Variants in ABTB3 observed in about 807,000 individuals in gnomAD.
ABTB3 encodes ankyrin repeat and BTB domain containing 3.
the ABTB3 span, among the ~76,000 whole-genome samples, chr12:107,371,683 A>G: frequency 6.6e-6 from 1 of 152,200 alleles, no homozygotes; most frequent in Non-Finnish European, 1.5e-5. Flanking sequence ...CTAATAGTGC[A>G]GTATACTTGC....
At chr12:107,519,717 T>G in the ABTB3 span, among the ~76,000 whole-genome samples, 1 of 152,192 alleles carries the variant, frequency 6.6e-6, no homozygotes, top group Non-Finnish European at 1.5e-5. Context: ...TTTGTTAACA[T>G]AGCTTTGAAC....
the ABTB3 span, among the ~76,000 whole-genome samples, chr12:107,400,410 C>G: frequency 1.3e-5 from 2 of 152,102 alleles, no homozygotes; most frequent in African/African-American, 4.8e-5. Flanking sequence ...TTCACAAGTA[C>G]TCAGGTAACC....
the ABTB3 span, among the ~76,000 whole-genome samples, chr12:107,484,026 A>C: frequency 2.0e-5 from 3 of 152,214 alleles, no homozygotes; most frequent in South Asian, 4.2e-4. Flanking sequence ...CAATCCACGA[A>C]TCAGATGTGC....
the ABTB3 span, among the ~76,000 whole-genome samples, chr12:107,524,397 T>C: frequency 1.2e-4 from 19 of 152,182 alleles, no homozygotes; most frequent in African/African-American, 4.6e-4. Context: ...TATTCAAAGG[T>C]TGCTCAGCCA....
At chr12:107,467,971 C>A in the ABTB3 span, among the ~76,000 whole-genome samples, 2 of 152,108 alleles carry the variant, frequency 1.3e-5, no homozygotes, top group African/African-American at 4.8e-5. Context: ...CCCCCCTCTC[C>A]CCATGTGCAG....
At chr12:107,581,366 C>T in the ABTB3 span, 8 of 1,242,946 alleles carry the variant, frequency 6.4e-6, no homozygotes, top group Admixed American at 4.4e-5. Flanking sequence ...GCAGCCTCCA[C>T]CCCTCCAATC....
the ABTB3 span, among the ~76,000 whole-genome samples, chr12:107,336,193 A>T: frequency 9.9e-5 from 15 of 152,228 alleles, no homozygotes; most frequent in African/African-American, 3.6e-4. Flanking sequence ...GTCATTTGTC[A>T]AACTTGGCAC....
the ABTB3 span, among the ~76,000 whole-genome samples, chr12:107,421,395 G>A: frequency 6.6e-6 from 1 of 152,192 alleles, no homozygotes; most frequent in Non-Finnish European, 1.5e-5. Flanking sequence ...GGGATGGCAA[G>A]TACTGACCAG....
chr12:107,404,375 A>G, the ABTB3 span, among the ~76,000 whole-genome samples: 1 of 152,172 alleles, frequency 6.6e-6, no homozygotes, highest in Non-Finnish European at 1.5e-5. Flanking sequence ...GAGCAAGGGG[A>G]GAGGGTCCAG....
At chr12:107,651,135 C>T in the ABTB3 span, among the ~76,000 whole-genome samples, 1 of 151,956 alleles carries the variant, frequency 6.6e-6, no homozygotes, top group Non-Finnish European at 1.5e-5. Flanking sequence ...GTGCTCAGGG[C>T]CAGGTTACAG....
chr12:107,631,297 CT>C, the ABTB3 span, among the ~76,000 whole-genome samples: 1 of 152,212 alleles, frequency 6.6e-6, no homozygotes, highest in East Asian at 1.9e-4. Context: ...ATTTTTATGG[CT>C]GCATAGTAGT....
At chr12:107,613,431 C>G in the ABTB3 span, among the ~76,000 whole-genome samples, 2 of 152,038 alleles carry the variant, frequency 1.3e-5, no homozygotes, top group African/African-American at 4.8e-5. Flanking sequence ...AAAGCATGTC[C>G]CCCCAGAAAC....
At chr12:107,621,415 A>C in the ABTB3 span, among the ~76,000 whole-genome samples, 1 of 151,894 alleles carries the variant, frequency 6.6e-6, no homozygotes, top group African/African-American at 2.4e-5. Flanking sequence ...CACCTAAGAA[A>C]CTGTCTTAGT....
At chr12:107,423,136 T>C in the ABTB3 span, among the ~76,000 whole-genome samples, 1 of 152,144 alleles carries the variant, frequency 6.6e-6, no homozygotes, top group African/African-American at 2.4e-5. Flanking sequence ...CCCCCTAAAG[T>C]TGTGCATTAC....
At chr12:107,599,814 CA>C in the ABTB3 span, among the ~76,000 whole-genome samples, 117 of 146,274 alleles carry the variant, frequency 8.0e-4, no homozygotes, top group African/African-American at 1.5e-3. Context: ...TAATAAAAGC[CA>C]AAAAAAAAAG....
chr12:107,375,768 C>A, the ABTB3 span, among the ~76,000 whole-genome samples: 1 of 152,174 alleles, frequency 6.6e-6, no homozygotes, highest in African/African-American at 2.4e-5. Flanking sequence ...GCCCTCTTCC[C>A]AGCTGGACAA....
chr12:107,368,442 G>A, the ABTB3 span, among the ~76,000 whole-genome samples: 1 of 152,212 alleles, frequency 6.6e-6, no homozygotes, highest in South Asian at 2.1e-4. Context: ...ACTGTGTAAT[G>A]ACTATCACAT....
the ABTB3 span, among the ~76,000 whole-genome samples, chr12:107,528,867 G>A: frequency 6.6e-6 from 1 of 151,992 alleles, no homozygotes; most frequent in South Asian, 2.1e-4. Flanking sequence ...TGATTATGGT[G>A]ATAGTGATGA....
the ABTB3 span, among the ~76,000 whole-genome samples, chr12:107,354,839 C>A: frequency 1.3e-5 from 2 of 152,042 alleles, no homozygotes; most frequent in African/African-American, 2.4e-5. Context: ...CTGTATATAC[C>A]CTTAACCCCT....
Sources: allele counts gnomAD v4.1 joint callset (sites outside exome capture counted in the v4.1 genomes callset), GRCh38; gene constraint gnomAD v4.1.1; transcripts MANE v1.5; gene names NCBI Gene and HGNC (gene_info 2026-07-23, HGNC 2026-07-21).